The following TRIP12 variants were observed in gnomAD, a reference collection of about 807,000 sequenced individuals.
TRIP12 encodes the protein E3 ubiquitin-protein ligase TRIP12.
In TRIP12, 25 loss-of-function variants were observed where a neutral mutation model predicts 244.2. The observed-to-expected ratio is 0.10, with a 90% CI of 0.07 to 0.14. The LOEUF (loss-of-function observed/expected upper bound fraction) is 0.14. Ranked by LOEUF, TRIP12 falls within the 10% of genes least tolerant of loss-of-function variation. The pLI, the probability that TRIP12 is intolerant of heterozygous loss-of-function variation, is 1.00. For missense variants in TRIP12, 1,677 were observed against 2,486.4 expected, an observed-to-expected ratio of 0.67 and a Z score of 6.92; for synonymous variants, 905 against 873.1, an observed-to-expected ratio of 1.04 and a Z score of -0.64.
chr2:229,771,626 T>C lies in TRIP12; in HGVS notation c.5701A>G (p.Ile1901Val). The C allele has an allele frequency of 1.9e-6, 3 of 1,612,896 alleles. No individual in the cohort carries two copies. The highest frequency in any genetic ancestry group is 2.5e-6 in the Non-Finnish European group (3 of 1,179,280). ...ACGCCTTCATTTAGTGCCCAGAATA[T>C]AACCAGCTGCAAAAAGAAAGTTTTC... ...HNLEEYLRLV[I>V]FWALNEGVSR... is the part of the protein sequence containing the mutation. The change falls in exon 39 of 42, where the codon ATA becomes GTA. Residue 1901 changes from isoleucine to valine, a missense_variant. Physicochemically the swap from Ile to Val is conservative, Grantham distance 29. Coordinates refer to ENST00000675903, the MANE Select transcript of TRIP12 (RefSeq NM_001348323.3).
At position 229,767,370 on chromosome 2, in the gene TRIP12, G is replaced by C; in HGVS notation, c.*184C>G. 2 of 527,358 alleles carry C rather than the reference G, an allele frequency of 3.8e-6. No homozygotes were observed. The highest frequency in any genetic ancestry group is 6.0e-6 in the Non-Finnish European group (2 of 335,326). 32.7% of individuals were successfully genotyped at this position (527,358 alleles called of 1,614,324 possible). A position where few individuals can be genotyped will look rare whatever the true frequency, so the allele number is the denominator to read the frequency against. On this transcript the variant is annotated 3_prime_UTR_variant, in exon 42 of 42. Transcript: ENST00000675903. ...TCATCACAACAACGTTTTAGGGCCT[G>C]ATCACTTTAAGTCCATGGGGCCATT...
chr2:229,827,863 G>C lies in TRIP12; in HGVS notation c.1450+1330C>G, dbSNP rs145209929. On this transcript the variant is annotated intron_variant, in intron 8 of 41. Coordinates refer to ENST00000675903, the MANE Select transcript of TRIP12 (RefSeq NM_001348323.3). ...CTATCATTAGTGTTATTATAGTTAG[G>C]GTTACCGTATTTTATGTGTGGCCCA... 5.8e-3 allele frequency among the ~76,000 whole-genome samples: 879 copies of C among 152,098 alleles called. 9 individuals carry two copies. The highest frequency in any genetic ancestry group is 0.019 in the African/African-American group (801 of 41,468).
intron 27 of TRIP12, 125 bp downstream of exon 27, chr2:229,792,848 T>C (rs1373703924): frequency 9.9e-7 from 1 of 1,014,450 alleles, no homozygotes; most frequent in Non-Finnish European, 1.4e-6. Flanking sequence ...GACAGGAATA[T>C]AAGTTCCTGC....
intron 2 of TRIP12, among the ~76,000 whole-genome samples, chr2:229,863,813 C>T (rs2060874771): frequency 6.6e-6 from 1 of 152,196 alleles, no homozygotes; most frequent in Admixed American, 6.5e-5. Flanking sequence ...TTTACCACCT[C>T]TCTAATTTAG....
chr2:229,793,142 A>C lies in TRIP12; in HGVS notation c.3972T>G (p.Phe1324Leu), dbSNP rs2041954807. 6.2e-7 allele frequency: 1 copy of C among 1,610,066 alleles called. No homozygotes were observed. The highest frequency in any genetic ancestry group is 8.5e-7 in the Non-Finnish European group (1 of 1,178,634). The change falls in exon 27 of 42, where the codon TTT becomes TTG. Residue 1324 changes from phenylalanine (F) to leucine (L), a missense_variant. By Grantham distance (22) the Phe-to-Leu change is conservative (BLOSUM62 0). Around this residue, in one of 11 missense-constraint regions of TRIP12, gnomAD observed 265 missense variants for 370.8 expected, o/e 0.71. Coordinates refer to ENST00000675903, the MANE Select transcript of TRIP12 (RefSeq NM_001348323.3). ...FPSGNGTGGSFSLNRGSQALK... is the reference protein window; with the variant it reads ...FPSGNGTGGSLSLNRGSQALK... ...AAGCCTGTGATCCTCTGTTGAGAGA[A>C]AAGCTCAAGATAATTTGTGAAAAAA...
chr2:229,920,411 G>A (rs1415925840), intron 1 of TRIP12, among the ~76,000 whole-genome samples: 3 of 152,132 alleles, frequency 2.0e-5, no homozygotes, highest in Admixed American at 6.5e-5. Context: ...GAGACAGCAG[G>A]AGAGCAGTTA....
Position 229,767,463 on chromosome 2 carries a change from A to G in TRIP12, c.*91T>C. 3 of 1,440,920 alleles carry G rather than the reference A, an allele frequency of 2.1e-6. No homozygotes were observed. The highest frequency in any genetic ancestry group is 4.0e-4 in the Middle Eastern group (2 of 5,004). The allele number at this position is 1,440,920 out of a possible 1,614,324, so 89.3% of individuals were successfully genotyped here. On this transcript the variant is annotated 3_prime_UTR_variant, in exon 42 of 42. Transcript: ENST00000675903. ...TTTTCCTACAACAAGAAGGCGTAAC[A>G]TGTTTCCTTGACTCAGGTGATAACA...
chr2:229,790,100 G>A (rs1297449770), intron 30 of TRIP12, among the ~76,000 whole-genome samples: 1 of 152,142 alleles, frequency 6.6e-6, no homozygotes, highest in Non-Finnish European at 1.5e-5. Context: ...TAAGTTCACT[G>A]TTACAGAAAT....
At position 229,801,214 on chromosome 2, in the gene TRIP12, A is replaced by C. The variant is rs145273228; in HGVS notation, c.3206+1038T>G. On this transcript the variant is annotated intron_variant, in intron 21 of 41. Coordinates refer to ENST00000675903, the MANE Select transcript of TRIP12 (RefSeq NM_001348323.3). ...AACTCTCCAAGCCCAATCTCCTCAG[A>C]CTGGTCAAACAACATGGGTGCCAGT... 6.1e-3 allele frequency among the ~76,000 whole-genome samples: 934 copies of C among 152,314 alleles called. 7 individuals are homozygous for C. Among genetic ancestry groups the C allele is most frequent in the African/African-American group, 0.021 (880 of 41,564 alleles).
At chr2:229,813,716 G>A (rs1356495274) in intron 13 of TRIP12, among the ~76,000 whole-genome samples, 154 bp downstream of exon 13, 4 of 152,044 alleles carry the variant, frequency 2.6e-5, no homozygotes, top group South Asian at 4.1e-4. Flanking sequence ...CCCAGGAGGC[G>A]GAGGTGGCAG....
chr2:229,813,428 A>G (rs2047741133), intron 13 of TRIP12, among the ~76,000 whole-genome samples: 1 of 152,222 alleles, frequency 6.6e-6, no homozygotes, highest in Non-Finnish European at 1.5e-5. Context: ...AAAAATAAAA[A>G]ATATCAGAAC....
chr2:229,914,607 T>C (rs552684658), intron 1 of TRIP12, among the ~76,000 whole-genome samples: 6 of 152,320 alleles, frequency 3.9e-5, no homozygotes, highest in South Asian at 4.1e-4. Flanking sequence ...TTTACCAGTA[T>C]AAAATCTTTA....
Position 229,796,640 on chromosome 2 carries a change from C to T in TRIP12, c.3767G>A (p.Ser1256Asn), listed in dbSNP as rs2042889678. 2 of 1,611,332 alleles carry T rather than the reference C, an allele frequency of 1.2e-6. No individual in the cohort carries two copies. The highest frequency in any genetic ancestry group is 2.2e-5 in the South Asian group (2 of 90,466). The change falls in exon 25 of 42, where the codon AGC (serine) becomes AAC (asparagine). Residue 1256 changes from serine to asparagine, a missense_variant. Physicochemically the swap from Ser to Asn is conservative, Grantham distance 46 (BLOSUM62 1). Transcript: ENST00000675903. ...LTSKSEKDAV[S>N]REIRLKRFLH... ...AAATCGCTTTAATCTGATCTCTCTG[C>T]TCACAGCATCCTTTTCACTTTTAGA...
At chr2:229,810,604 T>C (rs918782412) in intron 15 of TRIP12, among the ~76,000 whole-genome samples, 1 of 152,204 alleles carries the variant, frequency 6.6e-6, no homozygotes, top group Non-Finnish European at 1.5e-5. Flanking sequence ...TAATCAAGGA[T>C]GGTTACATGA....
At chr2:229,834,959 C>T (rs1267027115) in intron 6 of TRIP12, among the ~76,000 whole-genome samples, 1 of 152,046 alleles carries the variant, frequency 6.6e-6, no homozygotes, top group African/African-American at 2.4e-5. Flanking sequence ...AAGTACTATC[C>T]GAAAACGTTT....
intron 1 of TRIP12, among the ~76,000 whole-genome samples, chr2:229,913,672 T>C (rs1050832389): frequency 6.6e-6 from 1 of 152,150 alleles, no homozygotes; most frequent in African/African-American, 2.4e-5. Flanking sequence ...TGGCAAACGA[T>C]GCTAATATTA....
chr2:229,765,923 C>T lies in TRIP12; in HGVS notation c.*1631G>A, dbSNP rs2031569723. ...AGTTCCCTTCCACTTAATGGGGTCA[C>T]TGCCCAAGTGAACTCTCAGGAGGGG... On this transcript the variant is annotated 3_prime_UTR_variant, in exon 42 of 42. Coordinates refer to ENST00000675903, the MANE Select transcript of TRIP12 (RefSeq NM_001348323.3). The T allele has an allele frequency of 6.6e-6, 1 of 152,182 alleles. No homozygotes were observed. The highest frequency in any genetic ancestry group is 2.4e-5 in the African/African-American group (1 of 41,454). The allele number at this position is 152,182 out of a possible 1,614,324, so 9.4% of individuals were successfully genotyped here. A position where few individuals can be genotyped will look rare whatever the true frequency, so the allele number is the denominator to read the frequency against.
At chr2:229,787,460 T>C (rs770663654) in intron 33 of TRIP12, 45 bp downstream of exon 33, 2 of 1,573,436 alleles carry the variant, frequency 1.3e-6, no homozygotes, top group African/African-American at 1.4e-5. Context: ...TTTCCCATTA[T>C]TTTGAAAAGC....
At position 229,835,371 on chromosome 2, in the gene TRIP12, G is replaced by A. The variant is rs80204453; in HGVS notation, c.1270+1477C>T. Among the ~76,000 whole-genome samples, 1,337 of 152,220 alleles carry A rather than the reference G, an allele frequency of 8.8e-3. 15 individuals carry two copies. Among genetic ancestry groups the A allele is most frequent in the African/African-American group, 0.03 (1,260 of 41,536 alleles). Reference sequence around the variant, plus strand: ...ATTCCTGTATGCTTTTATCCTCTTAGGTAAATAAATAGGGGAACAAAATTT... The same window carrying A: ...ATTCCTGTATGCTTTTATCCTCTTAAGTAAATAAATAGGGGAACAAAATTT... On this transcript the variant is annotated intron_variant, in intron 6 of 41. Transcript: ENST00000675903.
Sources: gnomAD v4.1 joint callset for allele counts (sites outside exome capture counted in the v4.1 genomes callset) on GRCh38, gnomAD v4.1.1 for gene constraint, gnomAD v4.1.1 regional missense constraint, MANE v1.5 for transcripts, NCBI Gene and HGNC (gene_info 2026-07-23, HGNC 2026-07-21) for gene names.